JPT2: variants seen among roughly 807,000 people sequenced by gnomAD.
JPT2 encodes CRAMP_1 like.
In JPT2, 9 loss-of-function variants were observed where a neutral mutation model predicts 15.9. That is an observed-to-expected ratio of 0.57 (90% confidence interval 0.34 to 0.99). JPT2 has a LOEUF of 0.99. Among genes scored for constraint, JPT2 ranks in the 50% least tolerant of loss-of-function variants. The pLI is 0.02. For missense variants in JPT2, 267 were observed against 252.1 expected, an observed-to-expected ratio of 1.06 and a Z score of -0.40; for synonymous variants, 95 against 91.7, an observed-to-expected ratio of 1.04 and a Z score of -0.21.
intron 3 of JPT2, among the ~76,000 whole-genome samples, chr16:1,697,092 C>G (rs1245472325): frequency 6.6e-6 from 1 of 152,214 alleles, no homozygotes; most frequent in African/African-American, 2.4e-5. Context: ...AACATGTGGT[C>G]TGTCCATACA....
At position 1,698,846 on chromosome 16, in the gene JPT2, G is replaced by A. The variant is rs775863089; in HGVS notation, c.421G>A (p.Glu141Lys). ...CATCCCGGCTGGAGCAGAGCCAGGTGAGAAAGGCAGCGCCAGAAAAGCAGG... is the reference window on the plus strand; with the variant it reads ...CATCCCGGCTGGAGCAGAGCCAGGTAAGAAAGGCAGCGCCAGAAAAGCAGG... ...RSIPAGAEPGEKGSARKAGPA... is the reference protein window; with the variant it reads ...RSIPAGAEPGKKGSARKAGPA... Residue 141 changes from glutamate (E) to lysine (K), a missense_variant, in exon 5 of 5, where the codon GAG becomes AAG. Coordinates refer to ENST00000248098, the MANE Select transcript of JPT2 (RefSeq NM_144570.3). The surrounding 1 kb of genome is among the most constrained non-coding windows in gnomAD (Gnocchi z 4.9). 2 of 1,613,968 alleles carry A rather than the reference G, an allele frequency of 1.2e-6. No homozygotes were observed. The highest frequency in any genetic ancestry group is 1.7e-6 in the Non-Finnish European group (2 of 1,180,008).
intron 2 of JPT2, chr16:1,686,511 A>G (rs1167668102): frequency 6.5e-6 from 1 of 153,080 alleles, no homozygotes; most frequent in African/African-American, 2.4e-5. Flanking sequence ...CGACATGGCA[A>G]AACTCCATCT....
intron 3 of JPT2, 130 bp from the exon 4 acceptor site, chr16:1,697,682 G>T (rs2037152435): frequency 2.7e-6 from 2 of 735,672 alleles, no homozygotes; most frequent in Admixed American, 2.3e-5. Context: ...AGGATTGGGG[G>T]GGTCCTGAGG....
chr16:1,702,138 A>G, downstream of JPT2: 1 of 456,056 alleles, frequency 2.2e-6, no homozygotes, highest in Non-Finnish European at 4.4e-6. Flanking sequence ...CCTTACAGGC[A>G]TTATGTGGAT....
At chr16:1,684,027 A>T (rs1195122678) in intron 1 of JPT2, among the ~76,000 whole-genome samples, 6 of 152,224 alleles carry the variant, frequency 3.9e-5, no homozygotes, top group Non-Finnish European at 7.3e-5. Flanking sequence ...TCTAGGTTAC[A>T]AGGTTACATA....
chr16:1,684,681 G>A (rs2037051328), intron 1 of JPT2, among the ~76,000 whole-genome samples: 2 of 151,816 alleles, frequency 1.3e-5, no homozygotes, highest in Admixed American at 6.6e-5. Flanking sequence ...CGGAGGTTGT[G>A]GTGAGCTGAG....
rs555708835 is a variant in JPT2, at chr16:1,699,138, C to T, written c.*140C>T. On this transcript the variant is annotated 3_prime_UTR_variant, in exon 5 of 5. Transcript: ENST00000248098. ...GCCTGGCTGCTCAGCGTCTCCTGGCCGTCATGACAGCTGCTTGGAGACCCG... is the reference window on the plus strand; with the variant it reads ...GCCTGGCTGCTCAGCGTCTCCTGGCTGTCATGACAGCTGCTTGGAGACCCG... The T allele has an allele frequency of 4.1e-5, 36 of 886,558 alleles. No homozygotes were observed. The highest frequency in any genetic ancestry group is 3.0e-4 in the South Asian group (22 of 72,224). 54.9% of individuals were successfully genotyped at this position (886,558 alleles called of 1,614,324 possible).
At chr16:1,678,906 A>C (rs2142216847) in intron 1 of JPT2, among the ~76,000 whole-genome samples, 1 of 152,160 alleles carries the variant, frequency 6.6e-6, no homozygotes, top group Non-Finnish European at 1.5e-5. Context: ...CCGCGCTTCC[A>C]CTAGTTCATG....
chr16:1,688,990 T>C (rs1194687586), intron 2 of JPT2: 1 of 152,104 alleles, frequency 6.6e-6, no homozygotes, highest in Non-Finnish European at 1.5e-5. Context: ...AATTCAGGAG[T>C]GTGGTAACCT....
intron 1 of JPT2, among the ~76,000 whole-genome samples, chr16:1,684,442 A>G (rs1030782490): frequency 6.6e-5 from 10 of 152,308 alleles, no homozygotes; most frequent in African/African-American, 2.4e-4. Flanking sequence ...AGTTTTTACA[A>G]TAAAAAGTGA....
intron 3 of JPT2, among the ~76,000 whole-genome samples, chr16:1,694,609 A>G (rs1201825558): frequency 6.6e-6 from 1 of 152,202 alleles, no homozygotes; most frequent in Non-Finnish European, 1.5e-5. Context: ...GGTAATCCAA[A>G]CAGCATGGCA....
chr16:1,683,394 A>G, intron 1 of JPT2: 1 of 683,298 alleles, frequency 1.5e-6, no homozygotes, highest in Non-Finnish European at 2.5e-6. Context: ...TACAGGTGCC[A>G]GGTACTGCTC....
At chr16:1,680,238 T>C in intron 1 of JPT2, 1 of 728,020 alleles carries the variant, frequency 1.4e-6, no homozygotes, top group Non-Finnish European at 1.7e-6. Context: ...GTCCCAGTTG[T>C]GTGCATTTAG....
intron 1 of JPT2, among the ~76,000 whole-genome samples, chr16:1,679,179 C>T (rs370545640): frequency 1.1e-4 from 17 of 152,352 alleles, no homozygotes; most frequent in African/African-American, 3.8e-4. Context: ...GAGCAGTAAA[C>T]TTGCATTGTG....
intron 2 of JPT2, chr16:1,689,368 C>T (rs1474401697): frequency 1.3e-5 from 2 of 152,212 alleles, no homozygotes; most frequent in African/African-American, 2.4e-5. Context: ...TGAGGGCTTA[C>T]TCAGCAGGCC....
At chr16:1,696,196 T>G (rs2037140225) in intron 3 of JPT2, among the ~76,000 whole-genome samples, 1 of 151,234 alleles carries the variant, frequency 6.6e-6, no homozygotes, top group South Asian at 2.1e-4. Context: ...GCCATTGCAC[T>G]CCAACCTGAG....
chr16:1,696,841 A>G (rs11862155), intron 3 of JPT2, among the ~76,000 whole-genome samples: 62 of 152,340 alleles, frequency 4.1e-4, no homozygotes, highest in Middle Eastern at 3.4e-3. Flanking sequence ...GTGAGGATGC[A>G]GAGAAACTGG....
intron 1 of JPT2, chr16:1,683,765 CTG>C (rs1289186521): frequency 3.5e-6 from 2 of 574,098 alleles, no homozygotes; most frequent in Non-Finnish European, 6.1e-6. Flanking sequence ...TGAGGAGAAA[CTG>C]TTATTTTTGT....
At chr16:1,683,425 T>G (rs963439131) in intron 1 of JPT2, 1 of 899,162 alleles carries the variant, frequency 1.1e-6, no homozygotes, top group African/African-American at 1.7e-5. Context: ...CTTTCTCATT[T>G]AAGCTTGGTT....
Sources: gnomAD v4.1 joint callset for allele counts (sites outside exome capture counted in the v4.1 genomes callset) on GRCh38, gnomAD v4.1.1 for gene constraint, Gnocchi (gnomAD v3.1) non-coding constraint, MANE v1.5 for transcripts, NCBI Gene and HGNC (gene_info 2026-07-23, HGNC 2026-07-21) for gene names.